Variants in ECPAS observed in about 807,000 individuals in gnomAD.
ECPAS encodes the protein Ecm29 proteasome adaptor and scaffold.
In ECPAS, 70 loss-of-function variants were observed where a neutral mutation model predicts 255.1. That is an observed-to-expected ratio of 0.27 (90% confidence interval 0.23 to 0.33). The LOEUF (loss-of-function observed/expected upper bound fraction) is 0.33, where lower values mean the gene tolerates loss of function less well. Ranked by LOEUF, ECPAS falls within the 10% of genes least tolerant of loss-of-function variation. ECPAS has a pLI of 1.00. For synonymous variants in ECPAS, 784 were observed against 775.0 expected (o/e 1.01, Z -0.19); for missense variants, 1,817 against 2,206.4 (o/e 0.82, Z 3.54).
rs2098112621 is a variant in ECPAS at position 111,360,852 on chromosome 9, GTAA to G, written c.*1175_*1177del. 1.3e-5 allele frequency: 2 copies of G among 152,142 alleles called. No homozygotes were observed. The highest frequency in any genetic ancestry group is 3.8e-4 in the East Asian group (2 of 5,196). The allele number at this position is 152,142 out of a possible 1,614,324, so 9.4% of individuals were successfully genotyped here. A position where few individuals can be genotyped will look rare whatever the true frequency, so the allele number is the denominator to read the frequency against. On this transcript the variant is annotated 3_prime_UTR_variant, in exon 50 of 50. Coordinates refer to ENST00000684092, the MANE Select transcript of ECPAS (RefSeq NM_001364929.1). Reference sequence around the variant, plus strand: ...ACGTCAATAAGGATGAGTACTGAATGTAAACCAGTCTTCTGCTCTGGAATCCAA... The same window carrying G: ...ACGTCAATAAGGATGAGTACTGAATGACCAGTCTTCTGCTCTGGAATCCAA...
intron 23 of ECPAS, among the ~76,000 whole-genome samples, chr9:111,409,254 C>T (rs1301504140): frequency 6.6e-6 from 1 of 151,902 alleles, no homozygotes; most frequent in Non-Finnish European, 1.5e-5. Context: ...GTAGCTAGAC[C>T]AAGATTAAGA....
chr9:111,363,994 C>T (rs528406344), intron 48 of ECPAS, among the ~76,000 whole-genome samples: 1 of 152,238 alleles, frequency 6.6e-6, no homozygotes, highest in Admixed American at 6.5e-5. Context: ...CGGATAAGAA[C>T]GATCCTTAGG....
chr9:111,376,390 C>T, intron 37 of ECPAS, 86 bp downstream of exon 37: 2 of 1,109,436 alleles, frequency 1.8e-6, no homozygotes, highest in Non-Finnish European at 2.7e-6. Flanking sequence ...TAAGTCTCTG[C>T]TTCATTTAAC....
chr9:111,406,024 T>C (rs1393969334), intron 24 of ECPAS, among the ~76,000 whole-genome samples: 2 of 149,774 alleles, frequency 1.3e-5, no homozygotes, highest in Non-Finnish European at 1.5e-5. Context: ...CCTGAGTATA[T>C]ATCCAGAAGA....
chr9:111,365,875 A>T (rs1461953719), intron 48 of ECPAS: 2 of 193,336 alleles, frequency 1.0e-5, no homozygotes, highest in African/African-American at 4.7e-5. Context: ...ATGTATATAG[A>T]AGTCCAAATG....
intron 35 of ECPAS, among the ~76,000 whole-genome samples, chr9:111,379,443 C>A (rs2098137823): frequency 6.6e-6 from 1 of 152,212 alleles, no homozygotes; most frequent in Admixed American, 6.5e-5. Context: ...TTCAGCGAGT[C>A]ATTATCTTTT....
chr9:111,442,984 T>C (rs561117406), intron 4 of ECPAS, among the ~76,000 whole-genome samples: 81 of 152,296 alleles, frequency 5.3e-4, no homozygotes, highest in Admixed American at 9.2e-4. Context: ...AAATTCGAAA[T>C]ACTACAAAAT....
At chr9:111,392,948 A>G (rs2098162413) in intron 27 of ECPAS, 66 bp from the exon 28 acceptor site, 9 of 1,066,606 alleles carry the variant, frequency 8.4e-6, no homozygotes, top group Non-Finnish European at 1.1e-5. Context: ...TATGAAATCA[A>G]AATTTTTAAA....
In ECPAS at chr9:111,413,956, G is replaced by A; in HGVS notation, c.2018C>T (p.Ala673Val). ...CAGCTTTTCTGGATACACTGACACAGCTTCCAATAGACAGTACATAACCGG... is the reference window on the plus strand; with the variant it reads ...CAGCTTTTCTGGATACACTGACACAACTTCCAATAGACAGTACATAACCGG... ...GLPVMYCLLE[A>V]VSVYPEKLAT... is the part of the protein sequence containing the mutation. Residue 673 changes from alanine to valine, a missense_variant, in exon 20 of 50, where the codon GCT becomes GTT. Physicochemically the swap from Ala to Val is moderately conservative, Grantham distance 64. Coordinates refer to ENST00000684092, the MANE Select transcript of ECPAS (RefSeq NM_001364929.1). 1 of 1,587,662 alleles carries A rather than the reference G, an allele frequency of 6.3e-7. No homozygotes were observed. Among genetic ancestry groups the A allele is most frequent in the Non-Finnish European group, 8.6e-7 (1 of 1,165,742 alleles).
chr9:111,366,071 C>T, intron 48 of ECPAS, 168 bp downstream of exon 48: 13 of 536,538 alleles, frequency 2.4e-5, no homozygotes, highest in South Asian at 8.7e-5. Flanking sequence ...GTTATAGTTC[C>T]AGATTTAAAT....
chr9:111,450,028 T>C (rs144227727), intron 3 of ECPAS, among the ~76,000 whole-genome samples: 2 of 152,202 alleles, frequency 1.3e-5, no homozygotes, highest in African/African-American at 4.8e-5. Flanking sequence ...TATTCTTTCA[T>C]AAGAATATAT....
chr9:111,377,392 C>CAAT, intron 36 of ECPAS, among the ~76,000 whole-genome samples: 1 of 152,040 alleles, frequency 6.6e-6, no homozygotes, highest in Admixed American at 6.5e-5. Flanking sequence ...ATTGAAAAGG[C>CAAT]AATGGACAAT....
chr9:111,413,743 A>G (rs1564528092), intron 20 of ECPAS, among the ~76,000 whole-genome samples, 152 bp downstream of exon 20: 1 of 152,092 alleles, frequency 6.6e-6, no homozygotes, highest in Non-Finnish European at 1.5e-5. Context: ...AGTGACCTAC[A>G]TGCTTCCCAG....
At chr9:111,424,130 C>T (rs1462349092) in intron 12 of ECPAS, among the ~76,000 whole-genome samples, 2 of 152,070 alleles carry the variant, frequency 1.3e-5, no homozygotes, top group African/African-American at 4.8e-5. Flanking sequence ...CTGAGTGGTC[C>T]CCTAGATCTT....
chr9:111,419,679 G>T (rs935444782), intron 16 of ECPAS, among the ~76,000 whole-genome samples: 1 of 151,122 alleles, frequency 6.6e-6, no homozygotes, highest in African/African-American at 2.4e-5. Flanking sequence ...CATAGGGCTT[G>T]TTTTTAGATA....
intron 3 of ECPAS, among the ~76,000 whole-genome samples, chr9:111,445,848 C>T (rs2098252206): frequency 6.6e-6 from 1 of 152,112 alleles, no homozygotes; most frequent in Non-Finnish European, 1.5e-5. Context: ...CCACAACAGG[C>T]CCCAGTGTGA....
chr9:111,421,446 TGTG>T (rs1460050711), intron 15 of ECPAS, among the ~76,000 whole-genome samples: 2 of 150,702 alleles, frequency 1.3e-5, no homozygotes, highest in Admixed American at 1.3e-4. Context: ...TGTGTGTGTG[TGTG>T]TATCTACAGA....
intron 24 of ECPAS, among the ~76,000 whole-genome samples, chr9:111,404,831 A>AC (rs1246040477): frequency 6.7e-6 from 1 of 148,886 alleles, no homozygotes; most frequent in Non-Finnish European, 1.5e-5. Flanking sequence ...AAAAAAAAAA[A>AC]AAACCTAGGG....
chr9:111,431,554 T>C (rs1008827657), intron 8 of ECPAS, among the ~76,000 whole-genome samples: 8 of 145,088 alleles, frequency 5.5e-5, no homozygotes, highest in Non-Finnish European at 4.5e-5. Flanking sequence ...CTAGACTCTG[T>C]CTCAGAAAAA....
Sources: gnomAD v4.1 joint callset for allele counts (sites outside exome capture counted in the v4.1 genomes callset) on GRCh38, gnomAD v4.1.1 for gene constraint, MANE v1.5 for transcripts, NCBI Gene and HGNC (gene_info 2026-07-23, HGNC 2026-07-21) for gene names.